Variants in DOCK2 observed in about 807,000 individuals in gnomAD.
The protein encoded by DOCK2 is dedicator of cytokinesis protein 2.
Under a neutral mutation model 248.9 loss-of-function variants are expected in DOCK2, and 87 were observed. The ratio of observed to expected loss-of-function variants is 0.35; its 90% confidence interval spans 0.29 to 0.42. The LOEUF is 0.42. DOCK2 is among the 10% of genes least tolerant of loss of function. DOCK2 has a pLI of 1.00. For missense variants in DOCK2, 1,747 were observed against 2,300.2 expected, an observed-to-expected ratio of 0.76 and a Z score of 4.92; for synonymous variants, 805 against 821.6, an observed-to-expected ratio of 0.98 and a Z score of 0.35.
At chr5:169,661,437 C>T (rs1229460541) in intron 2 of DOCK2, among the ~76,000 whole-genome samples, 3 of 152,106 alleles carry the variant, frequency 2.0e-5, no homozygotes, top group Non-Finnish European at 4.4e-5. Flanking sequence ...CATAGTTACC[C>T]TTCTTTTTTG....
intron 27 of DOCK2, among the ~76,000 whole-genome samples, chr5:169,856,719 T>A (rs1770917413): frequency 6.6e-6 from 1 of 152,234 alleles, no homozygotes; most frequent in African/African-American, 2.4e-5. Flanking sequence ...TCGGGCTTGG[T>A]GTGCTCAGTG....
At chr5:169,829,583 C>T (rs1769094785) in intron 26 of DOCK2, among the ~76,000 whole-genome samples, 1 of 152,122 alleles carries the variant, frequency 6.6e-6, no homozygotes, top group African/African-American at 2.4e-5. Context: ...CACGTTAGGA[C>T]CGTGTAGGTA....
At chr5:170,043,144 A>G (rs1043971739) in intron 38 of DOCK2, among the ~76,000 whole-genome samples, 1 of 152,194 alleles carries the variant, frequency 6.6e-6, no homozygotes, top group African/African-American at 2.4e-5. Flanking sequence ...TGCACCCTAT[A>G]GAGAACATTG....
chr5:170,066,231 G>A lies in DOCK2; in HGVS notation c.4468-1279G>A, dbSNP rs114128145. 7.9e-3 allele frequency among the ~76,000 whole-genome samples: 1,205 copies of A among 152,228 alleles called. 17 individuals are homozygous for A. Among genetic ancestry groups the A allele is most frequent in the African/African-American group, 0.027 (1,132 of 41,530 alleles). ...TCCCGCAAATGAAAACTTTTAAAAA[G>A]AGAGTAGGGGCAGCTATATTTATTT... On this transcript the variant is annotated intron_variant, in intron 44 of 51. Transcript: ENST00000520908.
chr5:169,696,300 A>AT (rs2113439913), intron 10 of DOCK2, among the ~76,000 whole-genome samples: 1 of 152,356 alleles, frequency 6.6e-6, no homozygotes, highest in Non-Finnish European at 1.5e-5. Flanking sequence ...AGGACAGGAA[A>AT]TGCAGTTACA....
rs185421401 is a variant in DOCK2, at chr5:169,666,541, T to A, written c.128-2747T>A. On this transcript the variant is annotated intron_variant, in intron 2 of 51. Transcript: ENST00000520908. ...TCATGGTGTCCACTGTCCAGGAATT[T>A]TTCTCTTTTGTACCAACCGTTGTTA... Among the ~76,000 whole-genome samples, 17 of 152,332 alleles carry A rather than the reference T, an allele frequency of 1.1e-4. No homozygotes were observed. The East Asian group carries it at 3.3e-3, about 29-fold the overall frequency.
At chr5:169,678,323 T>A (rs935353419) in intron 6 of DOCK2, among the ~76,000 whole-genome samples, 1 of 152,042 alleles carries the variant, frequency 6.6e-6, no homozygotes, top group Non-Finnish European at 1.5e-5. Context: ...TCACCCAGGC[T>A]AGAGTGCAGA....
intron 15 of DOCK2, 48 bp from the exon 16 acceptor site, chr5:169,711,887 A>C: frequency 1.1e-4 from 172 of 1,570,448 alleles, no homozygotes; most frequent in Non-Finnish European, 1.4e-4. Context: ...TGCAGTGGGG[A>C]GGGCCCTTTA....
At chr5:169,964,731 G>A (rs2113752832) in intron 27 of DOCK2, among the ~76,000 whole-genome samples, 1 of 152,344 alleles carries the variant, frequency 6.6e-6, no homozygotes, top group South Asian at 2.1e-4. Context: ...CCATGTAGTA[G>A]CTGAGTATAG....
At chr5:169,794,720 C>T (rs1430836427) in intron 25 of DOCK2, among the ~76,000 whole-genome samples, 1 of 152,040 alleles carries the variant, frequency 6.6e-6, no homozygotes, top group Non-Finnish European at 1.5e-5. Context: ...GTCAGGAGAT[C>T]GAGACCATCC....
rs1757936539 is a variant in DOCK2, at chr5:170,079,070, G to A, written c.5090G>A (p.Arg1697Lys). The A allele has an allele frequency of 6.2e-7, 1 of 1,614,176 alleles. No homozygotes were observed. The highest frequency in any genetic ancestry group is 1.3e-5 in the African/African-American group (1 of 75,060). ...GSTLPEVKLR[R>K]SKKRTKRSSV... ...ACCCTGCCTGAGGTCAAGCTGCGGA[G>A]GTCCAAGAAGAGGACAAAGAGAAGC... is the stretch of plus-strand genomic sequence containing the variant. The change falls in exon 49 of 52, where the codon AGG (arginine) becomes AAG (lysine). Residue 1697 changes from arginine to lysine, a missense_variant. Transcript: ENST00000520908.
chr5:169,992,740 G>A (rs952049917), intron 29 of DOCK2, among the ~76,000 whole-genome samples: 2 of 152,038 alleles, frequency 1.3e-5, no homozygotes, highest in African/African-American at 4.8e-5. Context: ...TGGGATTATA[G>A]GCGTGAGCCA....
At chr5:169,674,537 G>A in intron 6 of DOCK2, 92 bp downstream of exon 6, 3 of 1,544,214 alleles carry the variant, frequency 1.9e-6, no homozygotes, top group African/African-American at 1.4e-5. Context: ...ATTTTTAGAT[G>A]CAATTTTGTC....
chr5:170,037,800 C>T (rs1487029747), intron 36 of DOCK2, among the ~76,000 whole-genome samples: 2 of 152,154 alleles, frequency 1.3e-5, no homozygotes, highest in Admixed American at 1.3e-4. Flanking sequence ...CAACAAAATT[C>T]TTGGACGTAT....
chr5:169,688,059 G>A (rs1760085386), intron 8 of DOCK2, among the ~76,000 whole-genome samples: 1 of 152,150 alleles, frequency 6.6e-6, no homozygotes, highest in African/African-American at 2.4e-5. Context: ...CTAGTAGCTG[G>A]GACTACAGGC....
At chr5:169,969,580 G>T (rs1777425860) in intron 27 of DOCK2, among the ~76,000 whole-genome samples, 1 of 152,258 alleles carries the variant, frequency 6.6e-6, no homozygotes, top group Non-Finnish European at 1.5e-5. Context: ...AGAATTCAGA[G>T]TGGACAGCTT....
chr5:169,928,982 A>C (rs1196837552), intron 27 of DOCK2, among the ~76,000 whole-genome samples: 3 of 152,182 alleles, frequency 2.0e-5, no homozygotes, highest in African/African-American at 7.2e-5. Context: ...AAGGCCAAAC[A>C]TGTAGGATGA....
chr5:169,695,329 C>A (rs1760549594), intron 9 of DOCK2: 1 of 165,012 alleles, frequency 6.1e-6, no homozygotes, highest in Non-Finnish European at 1.3e-5. Context: ...CTACCTCAAC[C>A]CAACTGATGG....
At chr5:170,000,664 C>T (rs1319795708) in intron 30 of DOCK2, among the ~76,000 whole-genome samples, 11 of 151,976 alleles carry the variant, frequency 7.2e-5, no homozygotes, top group Non-Finnish European at 1.5e-5. Flanking sequence ...AGAGATTATA[C>T]TTGGGCTCCA....
Sources: allele counts gnomAD v4.1 joint callset (sites outside exome capture counted in the v4.1 genomes callset), GRCh38; gene constraint gnomAD v4.1.1; transcripts MANE v1.5; gene names NCBI Gene and HGNC (gene_info 2026-07-23, HGNC 2026-07-21).